Variants in PAK5 observed in about 807,000 individuals in gnomAD.
The protein encoded by PAK5 is p21 (RAC1) activated kinase 5, also known as serine/threonine-protein kinase PAK 5.
A neutral mutation model predicts 65.9 loss-of-function variants in PAK5; 16 were observed. That is an observed-to-expected ratio of 0.24 (90% CI 0.16 to 0.37). The LOEUF (loss-of-function observed/expected upper bound fraction) is 0.37, where lower values mean the gene tolerates loss of function less well. Ranked by LOEUF, PAK5 falls within the 10% of genes least tolerant of loss-of-function variation. The pLI is 1.00. For synonymous variants in PAK5, 371 were observed against 354.9 expected (o/e 1.05, Z -0.51); for missense variants, 785 against 903.9 (o/e 0.87, Z 1.69).
At chr20:9,755,816 T>C (rs544366314) in intron 1 of PAK5, among the ~76,000 whole-genome samples, 5 of 152,312 alleles carry the variant, frequency 3.3e-5, no homozygotes, top group South Asian at 4.1e-4. Flanking sequence ...ATAACCACTA[T>C]CCATCTTACT....
rs559775376 is a variant in PAK5, at chr20:9,813,844, G to T, written c.-162+24918C>A. On this transcript the variant is annotated intron_variant, in intron 1 of 9. Coordinates refer to ENST00000353224, the MANE Select transcript of PAK5 (RefSeq NM_177990.4). ...AAGGAAATCCAGCAAGGGCTTCTGG[G>T]TGCTTGTACAAAGGTGTGCTCACTT... is the stretch of plus-strand genomic sequence containing the variant. Among the ~76,000 whole-genome samples the T allele has an allele frequency of 2.1e-3, 320 of 152,296 alleles. 1 individual carries two copies. The highest frequency in any genetic ancestry group is 7.4e-3 in the African/African-American group (306 of 41,570).
intron 1 of PAK5, among the ~76,000 whole-genome samples, chr20:9,756,827 A>G (rs999726205): frequency 5.9e-5 from 9 of 152,268 alleles, no homozygotes; most frequent in Admixed American, 3.9e-4. Flanking sequence ...TACTGCAAAC[A>G]TCTGTAACTT....
rs1209202812 is a variant in PAK5 at position 9,771,411 on chromosome 20, A to ATT, written c.-161-59978_-161-59977dup. On this transcript the variant is annotated intron_variant, in intron 1 of 9. Transcript: ENST00000353224. ...AAGAGCAGATCTATAATTTAAAAAAATTTTTTTTTTTTTCTGAGATAGGGT... is the reference window on the plus strand; with the variant it reads ...AAGAGCAGATCTATAATTTAAAAAAATTTTTTTTTTTTTTTCTGAGATAGGGT... Among the ~76,000 whole-genome samples the ATT allele has an allele frequency of 6.2e-3, 904 of 145,532 alleles. 7 individuals carry two copies. The highest frequency in any genetic ancestry group is 0.019 in the African/African-American group (723 of 37,180).
intron 1 of PAK5, among the ~76,000 whole-genome samples, chr20:9,721,653 CAAAAAAAAAAAAAAAA>C (rs144378083): frequency 4.6e-5 from 3 of 65,522 alleles, no homozygotes; most frequent in Admixed American, 2.2e-4. Context: ...GACTCCATCT[CAAAAAAAAAAAAAAAA>C]AAAAAAAAAA....
chr20:9,677,870 G>C (rs6108328), intron 2 of PAK5, among the ~76,000 whole-genome samples: 28,623 of 152,110 alleles, frequency 0.19, 2,934 homozygotes, highest in East Asian at 0.36. Context: ...AATTGTAGTA[G>C]GTATTAGGCC....
intron 3 of PAK5, among the ~76,000 whole-genome samples, chr20:9,600,213 C>T (rs747211083): frequency 2.0e-5 from 3 of 152,216 alleles, no homozygotes; most frequent in Non-Finnish European, 2.9e-5. Context: ...CCTAGATGTC[C>T]GTTCTTATAC....
chr20:9,759,120 G>A (rs988809119), intron 1 of PAK5, among the ~76,000 whole-genome samples: 3 of 152,060 alleles, frequency 2.0e-5, no homozygotes, highest in Non-Finnish European at 2.9e-5. Flanking sequence ...AAATAAGGAA[G>A]ATTTCACTTA....
intron 2 of PAK5, among the ~76,000 whole-genome samples, chr20:9,676,381 C>G (rs2047572716): frequency 1.3e-5 from 2 of 152,242 alleles, no homozygotes; most frequent in South Asian, 4.1e-4. Context: ...AAATATTACA[C>G]TTGATCTTTT....
In PAK5 at chr20:9,810,987, A is replaced by T. The variant is rs1247085941; in HGVS notation, c.-162+27775T>A. ...TGAAAAACACTATGGAATCCAGCTCACAAAAGAGACATCTGGCAGCCACAT... is the reference window on the plus strand; with the variant it reads ...TGAAAAACACTATGGAATCCAGCTCTCAAAAGAGACATCTGGCAGCCACAT... On this transcript the variant is annotated intron_variant, in intron 1 of 9. Transcript: ENST00000353224. Among the ~76,000 whole-genome samples, 3 of 152,218 alleles carry T rather than the reference A, an allele frequency of 2.0e-5. No homozygotes were observed. The East Asian group carries it at 5.8e-4, about 29-fold the overall frequency.
chr20:9,713,440 C>T lies in PAK5; in HGVS notation c.-161-2005G>A, dbSNP rs115801688. Among the ~76,000 whole-genome samples, 403 of 152,052 alleles carry T rather than the reference C, an allele frequency of 2.7e-3. 5 individuals are homozygous for T. The highest frequency in any genetic ancestry group is 9.2e-3 in the African/African-American group (383 of 41,550). Reference sequence around the variant, plus strand: ...GGAATGTAAAGTAATACAGCAATTACGGAAAACAGCATGGAGGTTTCTCAG... The same window carrying T: ...GGAATGTAAAGTAATACAGCAATTATGGAAAACAGCATGGAGGTTTCTCAG... On this transcript the variant is annotated intron_variant, in intron 1 of 9. Coordinates refer to ENST00000353224, the MANE Select transcript of PAK5 (RefSeq NM_177990.4).
intron 2 of PAK5, among the ~76,000 whole-genome samples, chr20:9,697,405 A>C (rs1249333172): frequency 6.6e-6 from 1 of 151,986 alleles, no homozygotes; most frequent in Non-Finnish European, 1.5e-5. Context: ...CCTGCCCCAA[A>C]TATCTCCAAA....
At chr20:9,705,144 A>T (rs1362454323) in intron 2 of PAK5, among the ~76,000 whole-genome samples, 1 of 152,220 alleles carries the variant, frequency 6.6e-6, no homozygotes, top group Non-Finnish European at 1.5e-5. Context: ...GGAATTATGC[A>T]GTCCAAAATG....
intron 3 of PAK5, among the ~76,000 whole-genome samples, chr20:9,626,158 A>C (rs1056266133): frequency 1.3e-5 from 2 of 152,230 alleles, no homozygotes; most frequent in Non-Finnish European, 1.5e-5. Context: ...AATCAACATA[A>C]ATTTCCAACA....
intron 7 of PAK5, among the ~76,000 whole-genome samples, chr20:9,551,689 G>A (rs2045430383): frequency 6.6e-6 from 1 of 152,168 alleles, no homozygotes; most frequent in Non-Finnish European, 1.5e-5. Flanking sequence ...TAGTTTCTGG[G>A]TGCTTCTTTG....
chr20:9,718,728 C>T (rs930397769), intron 1 of PAK5, among the ~76,000 whole-genome samples: 14 of 151,916 alleles, frequency 9.2e-5, no homozygotes, highest in African/African-American at 3.1e-4. Flanking sequence ...AGAACCTTTC[C>T]AAAAAAAATT....
intron 2 of PAK5, among the ~76,000 whole-genome samples, chr20:9,680,012 G>C (rs1356377182): frequency 6.6e-6 from 1 of 152,170 alleles, no homozygotes; most frequent in African/African-American, 2.4e-5. Flanking sequence ...CCTCCTAAGA[G>C]TTCAGATTTG....
intron 4 of PAK5, among the ~76,000 whole-genome samples, chr20:9,574,813 T>A (rs1036847380): frequency 6.6e-6 from 1 of 152,176 alleles, no homozygotes; most frequent in Non-Finnish European, 1.5e-5. Flanking sequence ...AATCTAAATA[T>A]ATCCATTGTT....
intron 1 of PAK5, among the ~76,000 whole-genome samples, chr20:9,722,798 G>A (rs529680041): frequency 1.4e-4 from 21 of 151,006 alleles, no homozygotes; most frequent in Non-Finnish European, 1.2e-4. Flanking sequence ...GTGCAGCGGC[G>A]CCATCTCGAC....
rs1468911860 is a variant in PAK5 at position 9,562,927 on chromosome 20, T to C, written c.1580A>G (p.Glu527Gly). ...CACAATGTCTGTCAAGGCACCACCT[T>C]CTAGAAACTCCATGACCACCCAGAG... Reference protein sequence around the residue: ...DELWVVMEFLEGGALTDIVTH... With the variant: ...DELWVVMEFLGGGALTDIVTH... The change falls in exon 6 of 10, where the codon GAA (glutamate) becomes GGA (glycine). Residue 527 changes from glutamate to glycine, a missense_variant. Glu to Gly is a moderately conservative substitution (Grantham distance 98). Transcript: ENST00000353224. 4 of 1,613,790 alleles carry C rather than the reference T, an allele frequency of 2.5e-6. No individual in the cohort carries two copies. The highest frequency in any genetic ancestry group is 8.5e-7 in the Non-Finnish European group (1 of 1,179,822).
Sources: gnomAD v4.1 joint callset for allele counts (sites outside exome capture counted in the v4.1 genomes callset) on GRCh38, gnomAD v4.1.1 for gene constraint, MANE v1.5 for transcripts, NCBI Gene and HGNC (gene_info 2026-07-23, HGNC 2026-07-21) for gene names.